The following CLDN11 variants were observed in gnomAD, a reference collection of about 807,000 sequenced individuals.
CLDN11 encodes the protein claudin-11.
A neutral mutation model predicts 18.0 loss-of-function variants in CLDN11; 1 was observed. The ratio of observed to expected loss-of-function variants is 0.06; its 90% CI spans 0.02 to 0.26. The LOEUF (loss-of-function observed/expected upper bound fraction) is 0.26, where lower values mean the gene tolerates loss of function less well. CLDN11 is among the 10% of genes least tolerant of loss of function. CLDN11 has a pLI of 1.00. For missense variants in CLDN11, 172 were observed against 276.6 expected (o/e 0.62, Z 2.68); for synonymous variants, 116 against 121.5 (o/e 0.96, Z 0.30).
chr3:170,426,904 C>T (rs1322714594), intron 2 of CLDN11, among the ~76,000 whole-genome samples: 1 of 152,186 alleles, frequency 6.6e-6, no homozygotes, highest in Non-Finnish European at 1.5e-5. Flanking sequence ...GCCTCAGGCT[C>T]CCGACTAGCT....
Position 170,432,718 on chromosome 3 carries a change from T to C in CLDN11, c.586T>C (p.Ser196Pro), listed in dbSNP as rs372554090. The C allele has an allele frequency of 2.5e-6, 4 of 1,614,104 alleles. No homozygotes were observed. The highest frequency in any genetic ancestry group is 3.4e-6 in the Non-Finnish European group (4 of 1,180,046). The stretch of plus-strand genomic sequence containing the variant: ...AAACCGTTTCTACTACACTGCGGGC[T>C]CTAGCTCCCCGACTCATGCGAAGAG... ...GENRFYYTAG[S>P]SSPTHAKSAH... The change falls in exon 3 of 3, where the codon TCT becomes CCT. Residue 196 changes from serine (S) to proline (P), a missense_variant. Coordinates refer to ENST00000064724, the MANE Select transcript of CLDN11 (RefSeq NM_005602.6).
In CLDN11 at chr3:170,433,620, T is replaced by G. The variant is rs1433199289; in HGVS notation, c.*864T>G. 1 of 152,568 alleles carries G rather than the reference T, an allele frequency of 6.6e-6. No individual in the cohort carries two copies. Among genetic ancestry groups the G allele is most frequent in the East Asian group, 1.9e-4 (1 of 5,186 alleles). 9.5% of individuals were successfully genotyped at this position (152,568 alleles called of 1,614,324 possible). A position where few individuals can be genotyped will look rare whatever the true frequency, so the allele number is the denominator to read the frequency against. On this transcript the variant is annotated 3_prime_UTR_variant, in exon 3 of 3. Coordinates refer to ENST00000064724, the MANE Select transcript of CLDN11 (RefSeq NM_005602.6). ...ATGGGAAACTTTCCCTTTTGTAAGT[T>G]GAGGGCCAGGGGTAGGGATATTTTT... is the stretch of plus-strand genomic sequence containing the variant.
intron 1 of CLDN11, among the ~76,000 whole-genome samples, chr3:170,422,565 G>A (rs1359548181): frequency 6.6e-6 from 1 of 152,130 alleles, no homozygotes; most frequent in Non-Finnish European, 1.5e-5. Flanking sequence ...TGGGACTACA[G>A]GCTCACACCA....
At chr3:170,428,335 T>C (rs978814188) in intron 2 of CLDN11, among the ~76,000 whole-genome samples, 2 of 152,184 alleles carry the variant, frequency 1.3e-5, no homozygotes, top group African/African-American at 2.4e-5. Flanking sequence ...TGTCATCTCA[T>C]CTTTAAAGAG....
intron 1 of CLDN11, among the ~76,000 whole-genome samples, chr3:170,420,617 T>C (rs567282824): frequency 2.7e-4 from 41 of 152,372 alleles, no homozygotes; most frequent in Non-Finnish European, 4.4e-4. Context: ...CGTCCTGTTA[T>C]TCTCTTTGCT....
intron 1 of CLDN11, among the ~76,000 whole-genome samples, chr3:170,421,600 G>A (rs538274989): frequency 9.9e-4 from 151 of 152,202 alleles, no homozygotes; most frequent in African/African-American, 3.4e-3. Context: ...GGCAGATGTC[G>A]GCTAGATTCC....
At position 170,432,409 on chromosome 3, in the gene CLDN11, A is replaced by G. The variant is rs115625283; in HGVS notation, c.392-115A>G. On this transcript the variant is annotated intron_variant, in intron 2 of 2. Transcript: ENST00000064724. ...TGAGGGAGCAGAACTGTGTGTATGG[A>G]GCTTTTTGGAGCTGGTTGGAAGCCA... The G allele has an allele frequency of 3.0e-4, 448 of 1,518,316 alleles. 1 individual carries two copies. The African/African-American group carries it at 5.9e-3, about 20-fold the overall frequency. The allele number at this position is 1,518,316 out of a possible 1,614,324, so 94.1% of individuals were successfully genotyped here. A position where few individuals can be genotyped will look rare whatever the true frequency, so the allele number is the denominator to read the frequency against.
At chr3:170,428,320 C>T (rs1738915256) in intron 2 of CLDN11, among the ~76,000 whole-genome samples, 1 of 152,166 alleles carries the variant, frequency 6.6e-6, no homozygotes. Context: ...CCATGTGTTA[C>T]CATGTGTCAT....
At chr3:170,423,124 C>T in intron 1 of CLDN11, 39 bp from the exon 2 acceptor site, 1 of 1,611,672 alleles carries the variant, frequency 6.2e-7, no homozygotes, top group Non-Finnish European at 8.5e-7. Flanking sequence ...CAAGAGAACC[C>T]TGTGGTCTAA....
At chr3:170,429,260 G>C (rs935901646) in intron 2 of CLDN11, among the ~76,000 whole-genome samples, 3 of 151,980 alleles carry the variant, frequency 2.0e-5, no homozygotes, top group African/African-American at 7.3e-5. Flanking sequence ...TTTTTTAGTG[G>C]TTTTGATGTG....
intron 2 of CLDN11, among the ~76,000 whole-genome samples, chr3:170,429,963 C>A (rs960021744): frequency 6.6e-6 from 1 of 152,198 alleles, no homozygotes; most frequent in African/African-American, 2.4e-5. Flanking sequence ...TTAGATTGAA[C>A]CATATCAGTT....
intron 2 of CLDN11, among the ~76,000 whole-genome samples, chr3:170,425,270 T>C (rs1185119443): frequency 2.0e-5 from 3 of 152,200 alleles, no homozygotes; most frequent in Admixed American, 1.3e-4. Flanking sequence ...GAAGGTTCTC[T>C]TGGGCTCTGA....
In CLDN11 at chr3:170,419,041, G is replaced by A; in HGVS notation, c.-26G>A. 1 of 1,517,730 alleles carries A rather than the reference G, an allele frequency of 6.6e-7. No homozygotes were observed. Among genetic ancestry groups the A allele is most frequent in the Non-Finnish European group, 8.9e-7 (1 of 1,118,264 alleles). 94.0% of individuals were successfully genotyped at this position (1,517,730 alleles called of 1,614,324 possible). A position where few individuals can be genotyped will look rare whatever the true frequency, so the allele number is the denominator to read the frequency against. On this transcript the variant is annotated 5_prime_UTR_variant, in exon 1 of 3. Transcript: ENST00000064724. The surrounding 1 kb of genome is among the most constrained non-coding windows in gnomAD (Gnocchi z 8.6). The stretch of plus-strand genomic sequence containing the variant: ...GCCCAGGCACAGCCGTGAGGGGCGA[G>A]GCACGGGGACATCCTGGCGGCCACC...
At chr3:170,427,819 A>AAG (rs1232871688) in intron 2 of CLDN11, among the ~76,000 whole-genome samples, 2 of 150,950 alleles carry the variant, frequency 1.3e-5, no homozygotes, top group Non-Finnish European at 2.9e-5. Flanking sequence ...AAAAAAAAAA[A>AAG]AAAAAGAAAA....
rs954588421 is a variant in CLDN11, at chr3:170,419,006, T to C, written c.-61T>C. On this transcript the variant is annotated 5_prime_UTR_variant, in exon 1 of 3. Transcript: ENST00000064724. The surrounding 1 kb of genome is among the most constrained non-coding windows in gnomAD (Gnocchi z 8.6). ...GGGAGACGTACCTGGGCAGGCACTGTCCAGCCCAGGCCCAGGCACAGCCGT... is the reference window on the plus strand; with the variant it reads ...GGGAGACGTACCTGGGCAGGCACTGCCCAGCCCAGGCCCAGGCACAGCCGT... 2.2e-5 allele frequency: 28 copies of C among 1,288,940 alleles called. No individual in the cohort carries two copies. The highest frequency in any genetic ancestry group is 8.0e-5 in the Admixed American group (4 of 50,158). 79.8% of individuals were successfully genotyped at this position (1,288,940 alleles called of 1,614,324 possible).
chr3:170,423,100 C>CA, intron 1 of CLDN11, 63 bp from the exon 2 acceptor site: 1 of 1,564,914 alleles, frequency 6.4e-7, no homozygotes, highest in Non-Finnish European at 8.8e-7. Context: ...TCCCCTAAGG[C>CA]AGGGCTCAGG....
At chr3:170,422,452 C>T (rs1463571007) in intron 1 of CLDN11, among the ~76,000 whole-genome samples, 2 of 152,122 alleles carry the variant, frequency 1.3e-5, no homozygotes, top group African/African-American at 2.4e-5. Context: ...GAAAGAGTCT[C>T]GCTCTGTCAC....
Position 170,419,291 on chromosome 3 carries a change from G to A in CLDN11, c.225G>A (p.Pro75=), listed in dbSNP as rs1266205476. The change falls in exon 1 of 3, where the codon CCG becomes CCA. Residue 75 remains proline (P), a splice_region_variant and synonymous_variant. Coordinates refer to ENST00000064724, the MANE Select transcript of CLDN11 (RefSeq NM_005602.6). The surrounding 1 kb of genome is among the most constrained non-coding windows in gnomAD (Gnocchi z 8.6). ...CCCTGGTGGACATCCTCATCCTGCC[G>A]GGTAAGGACCCGAGCTTGGCGGCGG... ...CKPLVDILIL[P]GYVQACRALM... is the part of the protein sequence containing the mutation. The A allele has an allele frequency of 1.3e-6, 2 of 1,553,076 alleles. No homozygotes were observed. The highest frequency in any genetic ancestry group is 1.9e-5 in the Admixed American group (1 of 52,442).
chr3:170,432,064 A>G (rs1157669529), intron 2 of CLDN11, among the ~76,000 whole-genome samples: 1 of 152,238 alleles, frequency 6.6e-6, no homozygotes, highest in Non-Finnish European at 1.5e-5. Context: ...CATTGAGCAC[A>G]TACTATTTGC....
Sources: gnomAD v4.1 joint callset for allele counts (sites outside exome capture counted in the v4.1 genomes callset) on GRCh38, gnomAD v4.1.1 for gene constraint, Gnocchi (gnomAD v3.1) non-coding constraint, MANE v1.5 for transcripts, NCBI Gene and HGNC (gene_info 2026-07-23, HGNC 2026-07-21) for gene names.